Variants in TENM3 observed in about 807,000 individuals in gnomAD.
TENM3 encodes teneurin-3.
Under a neutral mutation model 255.1 loss-of-function variants are expected in TENM3, and 63 were observed. That is an observed-to-expected ratio of 0.25 (90% CI 0.20 to 0.30). The LOEUF (loss-of-function observed/expected upper bound fraction) is 0.30, where lower values mean the gene tolerates loss of function less well. Ranked by LOEUF, TENM3 falls within the 10% of genes least tolerant of loss-of-function variation. The pLI is 1.00. For missense variants in TENM3, 2,929 were observed against 3,461.1 expected (o/e 0.85, Z 3.86); for synonymous variants, 1,306 against 1,322.3 (o/e 0.99, Z 0.27).
At chr4:182,361,450 CT>C (rs1174774526) in intron 3 of TENM3, among the ~76,000 whole-genome samples, 1 of 152,152 alleles carries the variant, frequency 6.6e-6, no homozygotes, top group Non-Finnish European at 1.5e-5. Flanking sequence ...AACTTCCCTT[CT>C]TGCTTCATTT....
At chr4:182,398,623 C>T (rs1346318842) in intron 3 of TENM3, among the ~76,000 whole-genome samples, 1 of 152,120 alleles carries the variant, frequency 6.6e-6, no homozygotes, top group Non-Finnish European at 1.5e-5. Context: ...CATCTACATA[C>T]TTGATTGGCA....
intron 3 of TENM3, among the ~76,000 whole-genome samples, chr4:182,426,357 T>G (rs768577093): frequency 2.0e-5 from 3 of 152,118 alleles, no homozygotes; most frequent in Non-Finnish European, 4.4e-5. Context: ...AGAAAGTATA[T>G]GCTATACTAG....
the TENM3 span, among the ~76,000 whole-genome samples, chr4:182,015,277 A>G: frequency 2.0e-5 from 3 of 152,316 alleles, no homozygotes; most frequent in East Asian, 3.9e-4. Flanking sequence ...GTTGTCAACA[A>G]TAACTGAGGA....
rs186284231 is a variant in TENM3 at position 182,777,835 on chromosome 4, G to C, written c.5304+2682G>C. ...GGCCTCCCAAAGTGCTAGGAATACA[G>C]CATATATATATATATGCTGTTATAT... On this transcript the variant is annotated intron_variant, in intron 24 of 27. Transcript: ENST00000511685. Among the ~76,000 whole-genome samples the C allele has an allele frequency of 4.5e-4, 63 of 139,064 alleles. No individual in the cohort carries two copies. In the East Asian group the frequency reaches 0.011, roughly 24 times the overall value. The allele number at this position is 139,064 out of a possible 152,430, so 91.2% of individuals were successfully genotyped here. A position where few individuals can be genotyped will look rare whatever the true frequency, so the allele number is the denominator to read the frequency against.
the TENM3 span, among the ~76,000 whole-genome samples, chr4:182,055,009 C>T: frequency 6.6e-6 from 1 of 152,110 alleles, no homozygotes; most frequent in Non-Finnish European, 1.5e-5. Context: ...CCAACCTACC[C>T]ACACTGGCTC....
the TENM3 span, among the ~76,000 whole-genome samples, chr4:181,604,180 G>A: frequency 6.6e-6 from 1 of 152,118 alleles, no homozygotes; most frequent in African/African-American, 2.4e-5. Flanking sequence ...CAGGAGAATG[G>A]CGTGAACCCG....
At chr4:182,407,895 A>G (rs1032347335) in intron 3 of TENM3, among the ~76,000 whole-genome samples, 5 of 152,246 alleles carry the variant, frequency 3.3e-5, no homozygotes, top group Admixed American at 3.3e-4. Flanking sequence ...TAAAATGGCA[A>G]TACCAATGCA....
chr4:182,200,433 C>T (rs910725071), intron 1 of TENM3, among the ~76,000 whole-genome samples: 4 of 152,222 alleles, frequency 2.6e-5, no homozygotes, highest in African/African-American at 9.6e-5. Flanking sequence ...TCTTATTGAG[C>T]TTTTTTTCAG....
At chr4:182,471,058 C>G (rs1200725968) in intron 3 of TENM3, among the ~76,000 whole-genome samples, 1 of 152,062 alleles carries the variant, frequency 6.6e-6, no homozygotes, top group Non-Finnish European at 1.5e-5. Flanking sequence ...GTTTTTCTGC[C>G]TATTTTCTTG....
intron 3 of TENM3, among the ~76,000 whole-genome samples, chr4:182,402,846 A>AT (rs1391688143): frequency 2.6e-5 from 4 of 152,202 alleles, no homozygotes; most frequent in African/African-American, 9.6e-5. Context: ...ACTAAGCCCT[A>AT]AAATAGGAGA....
intron 3 of TENM3, among the ~76,000 whole-genome samples, chr4:182,541,473 G>C (rs562338983): frequency 6.6e-6 from 1 of 152,254 alleles, no homozygotes; most frequent in African/African-American, 2.4e-5. Context: ...AAATTATAGG[G>C]TGGTGCAAAC....
chr4:182,356,557 G>A (rs962281090), intron 3 of TENM3, among the ~76,000 whole-genome samples: 3 of 150,978 alleles, frequency 2.0e-5, no homozygotes, highest in Admixed American at 6.6e-5. Context: ...GGAAAGGGAC[G>A]GAGCGGCAGA....
At chr4:182,160,263 A>T (rs1036920800) in intron 1 of TENM3, among the ~76,000 whole-genome samples, 1 of 151,920 alleles carries the variant, frequency 6.6e-6, no homozygotes, top group Non-Finnish European at 1.5e-5. Flanking sequence ...CGGCCTCCCA[A>T]AGTGCTGGGA....
chr4:181,710,922 G>A, the TENM3 span, among the ~76,000 whole-genome samples: 14 of 151,808 alleles, frequency 9.2e-5, no homozygotes, highest in African/African-American at 3.1e-4. Context: ...GGTAGTAGCT[G>A]AGGAGAAATA....
intron 3 of TENM3, among the ~76,000 whole-genome samples, chr4:182,371,078 C>G (rs1314337511): frequency 6.6e-6 from 1 of 152,084 alleles, no homozygotes; most frequent in African/African-American, 2.4e-5. Flanking sequence ...AGACTGTTAT[C>G]CTTTCTTTCT....
chr4:182,752,176 A>G (rs943089782), intron 20 of TENM3, 144 bp downstream of exon 20: 1 of 610,496 alleles, frequency 1.6e-6, no homozygotes, highest in African/African-American at 1.9e-5. Context: ...GCTGTTTCAC[A>G]TCTAGGGTTT....
At chr4:182,240,263 G>A (rs1010942474), upstream of TENM3, among the ~76,000 whole-genome samples, 1 of 152,052 alleles carries the variant, frequency 6.6e-6, no homozygotes, top group Non-Finnish European at 1.5e-5. Context: ...TGCTTGTGTT[G>A]GGCTTGTCTT....
chr4:181,881,518 G>C, the TENM3 span, among the ~76,000 whole-genome samples: 3 of 152,084 alleles, frequency 2.0e-5, no homozygotes, highest in Admixed American at 2.0e-4. Context: ...ATTCATATTT[G>C]TTGACCACAT....
Position 182,799,329 on chromosome 4 carries a change from G to A in TENM3, c.7345-267G>A, listed in dbSNP as rs1335869630. ...ACTGTAAGAGAAAAGCAAGAAACAG[G>A]ACTATTTTTCCCATGTTAGAAACGA... On this transcript the variant is annotated intron_variant, in intron 27 of 27. Transcript: ENST00000511685. The surrounding 1 kb of genome is among the most constrained non-coding windows in gnomAD (Gnocchi z 4.2). Among the ~76,000 whole-genome samples the A allele has an allele frequency of 6.6e-6, 1 of 152,220 alleles. No homozygotes were observed. Among genetic ancestry groups the A allele is most frequent in the African/African-American group, 2.4e-5 (1 of 41,462 alleles).
Sources: gnomAD v4.1 joint callset for allele counts (sites outside exome capture counted in the v4.1 genomes callset) on GRCh38, gnomAD v4.1.1 for gene constraint, Gnocchi (gnomAD v3.1) non-coding constraint, MANE v1.5 for transcripts, NCBI Gene and HGNC (gene_info 2026-07-23, HGNC 2026-07-21) for gene names.